Variants in ARIH2 observed in about 807,000 individuals in gnomAD.
ARIH2 encodes the protein E3 ubiquitin-protein ligase ARIH2.
Under a neutral mutation model 79.8 loss-of-function variants are expected in ARIH2, and 12 were observed. That is an observed-to-expected ratio of 0.15 (90% CI 0.10 to 0.24). The LOEUF is 0.24. ARIH2 is among the 10% of genes least tolerant of loss of function. The probability of loss-of-function intolerance (pLI) is 1.00; values close to 1 mark genes in which losing one functional copy is unlikely to be tolerated. For synonymous variants in ARIH2, 224 were observed against 213.9 expected, an observed-to-expected ratio of 1.05 and a Z score of -0.41; for missense variants, 301 against 618.3, an observed-to-expected ratio of 0.49 and a Z score of 5.44.
chr3:48,947,368 G>A (rs1289275433), intron 3 of ARIH2, among the ~76,000 whole-genome samples: 2 of 151,692 alleles, frequency 1.3e-5, no homozygotes, highest in Admixed American at 6.6e-5. Context: ...TTGAACCTGG[G>A]CGGTGGAGGT....
rs370886715 is a variant in ARIH2 at position 48,951,995 on chromosome 3, C to T, written c.256-9617C>T. 1.3e-4 allele frequency among the ~76,000 whole-genome samples: 20 copies of T among 152,088 alleles called. No individual in the cohort carries two copies. In the East Asian group the frequency reaches 2.5e-3, roughly 19 times the overall value. ...GCTTCCCTTTTTTAGCTGTAATACA[C>T]GGCAGTGACTAAATTTTTCTAGCGT... On this transcript the variant is annotated intron_variant, in intron 3 of 15. Transcript: ENST00000356401.
intron 3 of ARIH2, chr3:48,943,621 T>G (rs1464036032): frequency 6.6e-6 from 1 of 152,214 alleles, no homozygotes; most frequent in African/African-American, 2.4e-5. Flanking sequence ...TTCCTGTTTA[T>G]ATAGTTTTAT....
At chr3:48,938,203 A>G (rs1407571019) in intron 3 of ARIH2, among the ~76,000 whole-genome samples, 1 of 152,202 alleles carries the variant, frequency 6.6e-6, no homozygotes, top group African/African-American at 2.4e-5. Flanking sequence ...GAATTTTATG[A>G]TACTGTAGTA....
intron 3 of ARIH2, among the ~76,000 whole-genome samples, chr3:48,955,169 G>GGA (rs1283134494): frequency 6.6e-6 from 1 of 152,182 alleles, no homozygotes; most frequent in Admixed American, 6.5e-5. Context: ...CTGTACTCTA[G>GGA]CCTGGGCGAC....
chr3:48,968,697 A>G, intron 7 of ARIH2, 42 bp downstream of exon 7: 1 of 1,587,044 alleles, frequency 6.3e-7, no homozygotes, highest in Non-Finnish European at 8.6e-7. Context: ...TCCCGGGCCT[A>G]CCTTCCATCA....
rs952594142 is a variant in ARIH2 at position 48,949,548 on chromosome 3, TAGTG to T, written c.256-12059_256-12056del. ...TAGGTCTTCTGGATTATAATCATTCTAGTGAGTGTGTAATACCTTGTGGTTTTAA... is the reference window on the plus strand; with the variant it reads ...TAGGTCTTCTGGATTATAATCATTCTAGTGTGTAATACCTTGTGGTTTTAA... On this transcript the variant is annotated intron_variant, in intron 3 of 15. Transcript: ENST00000356401. Among the ~76,000 whole-genome samples, 65 of 152,370 alleles carry T rather than the reference TAGTG, an allele frequency of 4.3e-4. 1 individual carries two copies. The highest frequency in any genetic ancestry group is 6.8e-3 in the Middle Eastern group (2 of 294).
At chr3:48,950,870 A>G (rs1011754276) in intron 3 of ARIH2, among the ~76,000 whole-genome samples, 5 of 151,926 alleles carry the variant, frequency 3.3e-5, no homozygotes, top group African/African-American at 1.2e-4. Flanking sequence ...TTGCTGCTAT[A>G]TAGAAATACT....
At chr3:48,934,735 G>A (rs1404233783) in intron 3 of ARIH2, 2 of 985,282 alleles carry the variant, frequency 2.0e-6, no homozygotes, top group African/African-American at 1.7e-5. Context: ...CATTGAGAAT[G>A]GCCTAAATAC....
chr3:48,949,868 T>G (rs1425898205), intron 3 of ARIH2, among the ~76,000 whole-genome samples: 1 of 152,102 alleles, frequency 6.6e-6, no homozygotes, highest in Non-Finnish European at 1.5e-5. Flanking sequence ...TTCCTACTTT[T>G]CCATTTTCTA....
At chr3:48,942,053 T>A (rs1425184956) in intron 3 of ARIH2, among the ~76,000 whole-genome samples, 1 of 19,072 alleles carries the variant, frequency 5.2e-5, no homozygotes, top group Non-Finnish European at 1.2e-4. Context: ...ACCTGGCTAA[T>A]TTTTTTTTTT....
intron 13 of ARIH2, among the ~76,000 whole-genome samples, chr3:48,981,016 CAAAAAAAAAA>C (rs34533467): frequency 1.0e-4 from 3 of 30,136 alleles, no homozygotes; most frequent in Admixed American, 5.7e-4. Context: ...GCAAGACTGT[CAAAAAAAAAA>C]AAAAAAAAAA....
At chr3:48,967,375 C>A in intron 6 of ARIH2, 100 bp downstream of exon 6, 1 of 1,338,086 alleles carries the variant, frequency 7.5e-7, no homozygotes. Context: ...TCTTCTGAGC[C>A]TGATTGGGGT....
intron 9 of ARIH2, 39 bp downstream of exon 9, chr3:48,973,855 T>A (rs762929778): frequency 2.0e-6 from 3 of 1,465,474 alleles, no homozygotes; most frequent in Non-Finnish European, 2.9e-6. Context: ...TTTGCCCTCC[T>A]TAGTGCTGCC....
Position 48,985,113 on chromosome 3 carries a change from C to T in ARIH2, c.*1843C>T, listed in dbSNP as rs1391763070. On this transcript the variant is annotated 3_prime_UTR_variant, in exon 16 of 16. Coordinates refer to ENST00000356401, the MANE Select transcript of ARIH2 (RefSeq NM_006321.4). ...ATCCTGGCGTCTGGAGCCTTCACCT[C>T]TCCGTCAAGTCCTTCCTGTGATACT... The T allele has an allele frequency of 6.6e-6, 1 of 152,260 alleles. No homozygotes were observed. Among genetic ancestry groups the T allele is most frequent in the Admixed American group, 6.5e-5 (1 of 15,282 alleles). The allele number at this position is 152,260 out of a possible 1,614,324, so 9.4% of individuals were successfully genotyped here.
chr3:48,932,322 G>A (rs981843045), intron 3 of ARIH2, among the ~76,000 whole-genome samples: 1 of 152,228 alleles, frequency 6.6e-6, no homozygotes, highest in Non-Finnish European at 1.5e-5. Flanking sequence ...ATTGCCAAGT[G>A]AGGTGTTGTG....
intron 3 of ARIH2, among the ~76,000 whole-genome samples, chr3:48,952,586 A>G (rs747268442): frequency 4.6e-5 from 7 of 152,180 alleles, no homozygotes; most frequent in Admixed American, 6.5e-5. Flanking sequence ...GAGAGGAAGA[A>G]CTAGAGATTG....
intron 3 of ARIH2, among the ~76,000 whole-genome samples, chr3:48,940,381 GATAA>G (rs1404746328): frequency 6.6e-6 from 1 of 151,934 alleles, no homozygotes; most frequent in African/African-American, 2.4e-5. Flanking sequence ...AGATTAGATA[GATAA>G]AAAGAGAGAG....
At chr3:48,940,794 C>CAAAA (rs761364123) in intron 3 of ARIH2, among the ~76,000 whole-genome samples, 2,155 of 68,282 alleles carry the variant, frequency 0.032, 127 homozygotes, top group African/African-American at 0.098. Flanking sequence ...GACTCCGTCT[C>CAAAA]AAAAAAAAAA....
intron 3 of ARIH2, among the ~76,000 whole-genome samples, chr3:48,933,316 GGTGT>G (rs150441338): frequency 2.9e-5 from 4 of 140,120 alleles, no homozygotes; most frequent in Non-Finnish European, 4.6e-5. Context: ...CATGCCCGGG[GGTGT>G]GTGTGTGTGT....
Sources: allele counts gnomAD v4.1 joint callset (sites outside exome capture counted in the v4.1 genomes callset), GRCh38; gene constraint gnomAD v4.1.1; transcripts MANE v1.5; gene names NCBI Gene and HGNC (gene_info 2026-07-23, HGNC 2026-07-21).